ADAMTSL1: variants seen among roughly 807,000 people sequenced by gnomAD.
The protein encoded by ADAMTSL1 is ADAMTS like 1.
In ADAMTSL1, 126 loss-of-function variants were observed where a neutral mutation model predicts 201.8. The observed-to-expected ratio is 0.62, with a 90% CI of 0.54 to 0.72. The LOEUF is 0.72. Among genes scored for constraint, ADAMTSL1 ranks in the 30% least tolerant of loss-of-function variants. The probability of loss-of-function intolerance (pLI) is 0.00; values close to 1 mark genes in which losing one functional copy is unlikely to be tolerated. For synonymous variants in ADAMTSL1, 1,121 were observed against 903.4 expected, an observed-to-expected ratio of 1.24 and a Z score of -4.32; for missense variants, 2,679 against 2,277.8, an observed-to-expected ratio of 1.18 and a Z score of -3.59.
chr9:18,286,405 A>G (rs1832994530), intron 2 of ADAMTSL1, among the ~76,000 whole-genome samples: 1 of 152,028 alleles, frequency 6.6e-6, no homozygotes, highest in African/African-American at 2.4e-5. Flanking sequence ...GCTCCTTTCT[A>G]TTCTTCTTTT....
chr9:18,692,250 C>T (rs1462948982), intron 13 of ADAMTSL1, among the ~76,000 whole-genome samples: 1 of 152,168 alleles, frequency 6.6e-6, no homozygotes, highest in African/African-American at 2.4e-5. Flanking sequence ...AGTTCAGAAG[C>T]TGCCTGGGTG....
At chr9:18,566,194 T>C (rs1821880425) in intron 3 of ADAMTSL1, among the ~76,000 whole-genome samples, 1 of 152,158 alleles carries the variant, frequency 6.6e-6, no homozygotes, top group Admixed American at 6.5e-5. Flanking sequence ...ATTAGAAAAC[T>C]AAGATTCAAA....
At chr9:17,931,409 T>G (rs1249898276) in intron 1 of ADAMTSL1, among the ~76,000 whole-genome samples, 2 of 152,172 alleles carry the variant, frequency 1.3e-5, no homozygotes, top group African/African-American at 2.4e-5. Flanking sequence ...CCATTTTTGT[T>G]TTCTTTCATC....
intron 1 of ADAMTSL1, among the ~76,000 whole-genome samples, chr9:18,503,430 T>TATATATATATATATATATATAC (rs1409112624): frequency 6.8e-6 from 1 of 147,592 alleles, no homozygotes; most frequent in East Asian, 2.0e-4. Context: ...TGTATATATA[T>TATATATATATATATATATATAC]ATATATATAT....
rs1030268220 is a variant in ADAMTSL1 at position 18,909,748 on chromosome 9, A to G, written c.*1200A>G. Reference sequence around the variant, plus strand: ...GGACAATGGGTTTATGCGTGTCCACAGTACACCCTCCCTCTCCCAGCCTCC... The same window carrying G: ...GGACAATGGGTTTATGCGTGTCCACGGTACACCCTCCCTCTCCCAGCCTCC... On this transcript the variant is annotated 3_prime_UTR_variant, in exon 29 of 29. Transcript: ENST00000380548. 3.3e-5 allele frequency: 5 copies of G among 152,208 alleles called. No individual in the cohort carries two copies. The highest frequency in any genetic ancestry group is 7.3e-5 in the Non-Finnish European group (5 of 68,086). 9.4% of individuals were successfully genotyped at this position (152,208 alleles called of 1,614,324 possible).
At chr9:18,774,754 G>A (rs189454667) in intron 17 of ADAMTSL1, among the ~76,000 whole-genome samples, 79 of 152,196 alleles carry the variant, frequency 5.2e-4, no homozygotes, top group Non-Finnish European at 9.4e-4. Flanking sequence ...CCACTGTATA[G>A]ATATGGCATA....
intron 2 of ADAMTSL1, among the ~76,000 whole-genome samples, chr9:18,250,361 G>T (rs1457758926): frequency 2.0e-5 from 3 of 152,194 alleles, no homozygotes; most frequent in Non-Finnish European, 4.4e-5. Context: ...GCCTGTTCCT[G>T]ACTCCCTCTT....
At chr9:18,126,021 C>T (rs763853715) in intron 1 of ADAMTSL1, among the ~76,000 whole-genome samples, 6 of 152,158 alleles carry the variant, frequency 3.9e-5, no homozygotes, top group African/African-American at 1.2e-4. Flanking sequence ...CCCTGCCTGA[C>T]GTACCTGCCA....
intron 2 of ADAMTSL1, among the ~76,000 whole-genome samples, chr9:18,344,491 C>G (rs1382027806): frequency 6.6e-6 from 1 of 152,006 alleles, no homozygotes; most frequent in African/African-American, 2.4e-5. Flanking sequence ...TGCACCATAT[C>G]TATATGTATC....
At chr9:18,270,603 C>T (rs1484975328) in intron 2 of ADAMTSL1, among the ~76,000 whole-genome samples, 1 of 152,138 alleles carries the variant, frequency 6.6e-6, no homozygotes, top group African/African-American at 2.4e-5. Context: ...TCCAGTCAGC[C>T]TATTGCCTTA....
At chr9:18,488,991 G>A (rs1301571632) in intron 1 of ADAMTSL1, among the ~76,000 whole-genome samples, 1 of 152,142 alleles carries the variant, frequency 6.6e-6, no homozygotes, top group African/African-American at 2.4e-5. Context: ...TCTAATTTAG[G>A]GTTCTCAACC....
At chr9:18,021,534 C>T (rs949008870) in intron 1 of ADAMTSL1, among the ~76,000 whole-genome samples, 1 of 152,114 alleles carries the variant, frequency 6.6e-6, no homozygotes, top group Non-Finnish European at 1.5e-5. Flanking sequence ...TAAATCTCCT[C>T]TTTACAAAAC....
intron 23 of ADAMTSL1, among the ~76,000 whole-genome samples, chr9:18,832,309 G>A (rs1224624243): frequency 6.6e-6 from 1 of 152,180 alleles, no homozygotes; most frequent in African/African-American, 2.4e-5. Flanking sequence ...AGACCACAGT[G>A]TGCGCTCTGG....
In ADAMTSL1 at chr9:18,150,447, T is replaced by C. The variant is rs143598045; in HGVS notation, c.88-13415T>C. 2.5e-3 allele frequency among the ~76,000 whole-genome samples: 382 copies of C among 152,174 alleles called. 2 individuals carry two copies. The highest frequency in any genetic ancestry group is 8.1e-3 in the African/African-American group (338 of 41,558). ...GGTATCTAGGAAGATATTGATAATT[T>C]TAGCCAGGGAAATTTTAGTTGGATG... On this transcript the variant is annotated intron_variant, in intron 1 of 29. Coordinates refer to the ADAMTSL1 transcript ENST00000680146.
intron 7 of ADAMTSL1, among the ~76,000 whole-genome samples, chr9:18,654,218 G>A (rs916981627): frequency 1.1e-4 from 16 of 152,308 alleles, no homozygotes; most frequent in African/African-American, 3.9e-4. Context: ...GACAGAGTGA[G>A]ACTCCATCTC....
intron 15 of ADAMTSL1, among the ~76,000 whole-genome samples, chr9:18,753,067 T>A (rs1380026632): frequency 6.6e-6 from 1 of 152,220 alleles, no homozygotes; most frequent in Non-Finnish European, 1.5e-5. Flanking sequence ...GGTGATTTTG[T>A]GGGTAAAAAT....
intron 1 of ADAMTSL1, among the ~76,000 whole-genome samples, chr9:17,931,560 T>A (rs1826790345): frequency 6.6e-6 from 1 of 152,192 alleles, no homozygotes; most frequent in Non-Finnish European, 1.5e-5. Context: ...AATTGGTTGT[T>A]TTTCAAGAAA....
chr9:18,837,353 T>G (rs1588199348), intron 23 of ADAMTSL1, among the ~76,000 whole-genome samples: 2 of 152,244 alleles, frequency 1.3e-5, no homozygotes, highest in East Asian at 3.8e-4. Flanking sequence ...GCTGAAAATA[T>G]TATCCTTTCT....
At chr9:18,613,571 A>G (rs1186130412) in intron 4 of ADAMTSL1, among the ~76,000 whole-genome samples, 2 of 152,246 alleles carry the variant, frequency 1.3e-5, no homozygotes, top group African/African-American at 2.4e-5. Context: ...AGGGACATGA[A>G]TGGAGCTGGA....
Sources: allele counts gnomAD v4.1 joint callset (sites outside exome capture counted in the v4.1 genomes callset), GRCh38; gene constraint gnomAD v4.1.1; transcripts MANE v1.5; gene names NCBI Gene and HGNC (gene_info 2026-07-23, HGNC 2026-07-21).